ARHGAP39: variants seen among roughly 807,000 people sequenced by gnomAD.
ARHGAP39 encodes Rho GTPase activating protein 39.
A neutral mutation model predicts 106.9 loss-of-function variants in ARHGAP39; 44 were observed. The ratio of observed to expected loss-of-function variants is 0.41; its 90% confidence interval spans 0.32 to 0.53. ARHGAP39 has a LOEUF of 0.53. ARHGAP39 is among the 20% of genes least tolerant of loss of function. The pLI, the probability that ARHGAP39 is intolerant of heterozygous loss-of-function variation, is 0.21. For synonymous variants in ARHGAP39, 768 were observed against 693.2 expected (o/e 1.11, Z -1.69); for missense variants, 1,496 against 1,577.3 (o/e 0.95, Z 0.87).
chr8:144,599,619 T>G (rs557134478), intron 2 of ARHGAP39, among the ~76,000 whole-genome samples: 1 of 152,156 alleles, frequency 6.6e-6, no homozygotes, highest in Admixed American at 6.5e-5. Flanking sequence ...ATGGTCTATA[T>G]GTTTAAAAGA....
At position 144,561,508 on chromosome 8, in the gene ARHGAP39, T is replaced by C. The variant is rs186715522; in HGVS notation, c.513-5865A>G. On this transcript the variant is annotated intron_variant, in intron 3 of 11. Coordinates refer to ENST00000377307, the MANE Select transcript of ARHGAP39 (RefSeq NM_025251.3). ...CACACTCCAGTGGTTTCCATCAGAC[T>C]CCAGTGGTTTCCATCAGACCCCAGT... 5.8e-3 allele frequency among the ~76,000 whole-genome samples: 783 copies of C among 134,612 alleles called. 10 individuals are homozygous for C. Among genetic ancestry groups the C allele is most frequent in the African/African-American group, 0.02 (676 of 34,266 alleles). The allele number at this position is 134,612 out of a possible 152,430, so 88.3% of individuals were successfully genotyped here. A position where few individuals can be genotyped will look rare whatever the true frequency, so the allele number is the denominator to read the frequency against.
intron 1 of ARHGAP39, among the ~76,000 whole-genome samples, chr8:144,674,911 G>A (rs932111047): frequency 1.7e-4 from 26 of 152,236 alleles, no homozygotes; most frequent in African/African-American, 6.3e-4. Flanking sequence ...GTGGGGACCA[G>A]GAGCAGGGAG....
intron 1 of ARHGAP39, among the ~76,000 whole-genome samples, chr8:144,656,143 A>G (rs1395068477): frequency 6.6e-6 from 1 of 152,048 alleles, no homozygotes; most frequent in Non-Finnish European, 1.5e-5. Flanking sequence ...ATACTGGATA[A>G]AAACTTGAAT....
At chr8:144,668,065 AT>A (rs1247851150) in intron 1 of ARHGAP39, among the ~76,000 whole-genome samples, 1 of 151,852 alleles carries the variant, frequency 6.6e-6, no homozygotes, top group Non-Finnish European at 1.5e-5. Context: ...AAGCTAGTGA[AT>A]TCTTGGTCCC....
At chr8:144,580,351 C>T (rs1818926179) in intron 3 of ARHGAP39, among the ~76,000 whole-genome samples, 1 of 152,216 alleles carries the variant, frequency 6.6e-6, no homozygotes, top group African/African-American at 2.4e-5. Context: ...GCAGAGAGAG[C>T]TGGGCGAGCC....
At chr8:144,567,827 T>C (rs113345124) in intron 3 of ARHGAP39, among the ~76,000 whole-genome samples, 15,873 of 146,266 alleles carry the variant, frequency 0.11, 2,006 homozygotes, top group African/African-American at 0.31. Flanking sequence ...CCCACGTGGC[T>C]TTACCTATCA....
chr8:144,533,019 G>C, intron 9 of ARHGAP39, 107 bp downstream of exon 9: 1 of 1,361,732 alleles, frequency 7.3e-7, no homozygotes, highest in East Asian at 2.4e-5. Context: ...GTATGGGTGC[G>C]GAAGCAGCCC....
At chr8:144,552,146 G>T (rs1383082046) in intron 4 of ARHGAP39, among the ~76,000 whole-genome samples, 2 of 152,246 alleles carry the variant, frequency 1.3e-5, no homozygotes. Context: ...AAGAGCGGTC[G>T]TGGCCTCTGA....
At position 144,670,094 on chromosome 8, in the gene ARHGAP39, C is replaced by A. The variant is rs981311408; in HGVS notation, c.-82+15592G>T. ...AAGGAAACGGGGTTGACCTGTACAA[C>A]GGAACGTCCCTCAGCAATAAAAAGC... On this transcript the variant is annotated intron_variant, in intron 1 of 11. Transcript: ENST00000377307. The surrounding 1 kb of genome is among the most constrained non-coding windows in gnomAD (Gnocchi z 4.4). Among the ~76,000 whole-genome samples the A allele has an allele frequency of 6.6e-6, 1 of 152,204 alleles. No homozygotes were observed. Among genetic ancestry groups the A allele is most frequent in the African/African-American group, 2.4e-5 (1 of 41,436 alleles).
Position 144,645,739 on chromosome 8 carries a change from A to G in ARHGAP39, c.-82+39947T>C, listed in dbSNP as rs954233451. ...GTGCTCTCAGGAAGCAGAGCGATACACCTTGGATGGCAGAGGTTTATTTTG... is the reference window on the plus strand; with the variant it reads ...GTGCTCTCAGGAAGCAGAGCGATACGCCTTGGATGGCAGAGGTTTATTTTG... On this transcript the variant is annotated intron_variant, in intron 1 of 11. Transcript: ENST00000377307. The surrounding 1 kb of genome is among the most constrained non-coding windows in gnomAD (Gnocchi z 4.4). Among the ~76,000 whole-genome samples, 1 of 152,252 alleles carries G rather than the reference A, an allele frequency of 6.6e-6. No homozygotes were observed. Among genetic ancestry groups the G allele is most frequent in the Admixed American group, 6.5e-5 (1 of 15,292 alleles).
At chr8:144,573,967 G>A in intron 3 of ARHGAP39, among the ~76,000 whole-genome samples, 1 of 151,714 alleles carries the variant, frequency 6.6e-6, no homozygotes, top group Non-Finnish European at 1.5e-5. Flanking sequence ...GAGACCAAGA[G>A]TTTGAGACCA....
intron 1 of ARHGAP39, among the ~76,000 whole-genome samples, chr8:144,618,271 C>T (rs765721496): frequency 5.9e-5 from 9 of 152,176 alleles, no homozygotes; most frequent in Non-Finnish European, 1.0e-4. Context: ...GGGCTGGGGC[C>T]ACATGGGGTC....
At chr8:144,678,997 C>T (rs927572989) in intron 1 of ARHGAP39, among the ~76,000 whole-genome samples, 6 of 151,978 alleles carry the variant, frequency 3.9e-5, no homozygotes, top group South Asian at 2.1e-4. Context: ...GACCTGGAGC[C>T]GTACCACATG....
intron 3 of ARHGAP39, among the ~76,000 whole-genome samples, chr8:144,569,149 A>C (rs1292254856): frequency 1.3e-5 from 2 of 152,256 alleles, no homozygotes; most frequent in African/African-American, 4.8e-5. Flanking sequence ...AATCAAATTA[A>C]TATTGGAGTG....
rs1262406234 is a variant in ARHGAP39, at chr8:144,537,925, C to T, written c.2522-112G>A. 2.1e-5 allele frequency: 19 copies of T among 900,716 alleles called. No individual in the cohort carries two copies. The Admixed American group carries it at 3.0e-4, about 14-fold the overall frequency. The allele number at this position is 900,716 out of a possible 1,614,324, so 55.8% of individuals were successfully genotyped here. ...GGCCCCTGGGCCTGTTGGGGGCTCA[C>T]CCTGTGCAGCTGGGGGCTGAGCGTT... On this transcript the variant is annotated intron_variant, in intron 6 of 11. Transcript: ENST00000377307.
intron 1 of ARHGAP39, among the ~76,000 whole-genome samples, chr8:144,636,792 A>T (rs1224869674): frequency 2.0e-5 from 3 of 152,204 alleles, no homozygotes; most frequent in African/African-American, 7.2e-5. Context: ...TTGGTAAGGA[A>T]CATTTCAGTC....
At position 144,545,926 on chromosome 8, in the gene ARHGAP39, G is replaced by A. The variant is rs1029271402; in HGVS notation, c.1960-116C>T. 4 of 868,834 alleles carry A rather than the reference G, an allele frequency of 4.6e-6. No homozygotes were observed. The African/African-American group carries it at 6.8e-5, about 15-fold the overall frequency. 53.8% of individuals were successfully genotyped at this position (868,834 alleles called of 1,614,324 possible). ...GGGGCCCCACCAGAGCCAGCCAGGT[G>A]AGAGCCCTGCCCTGCTCACCACAAA... On this transcript the variant is annotated intron_variant, in intron 5 of 11. Transcript: ENST00000377307.
At chr8:144,663,451 G>C (rs912159334) in intron 1 of ARHGAP39, among the ~76,000 whole-genome samples, 2 of 152,058 alleles carry the variant, frequency 1.3e-5, no homozygotes, top group Non-Finnish European at 2.9e-5. Flanking sequence ...CCTCCTGAGA[G>C]AACGGACCAA....
chr8:144,615,042 T>C lies in ARHGAP39; in HGVS notation c.-81-9347A>G, dbSNP rs145891486. Among the ~76,000 whole-genome samples the C allele has an allele frequency of 1.2e-3, 177 of 152,338 alleles. 1 individual carries two copies. The highest frequency in any genetic ancestry group is 2.2e-3 in the Non-Finnish European group (147 of 68,020). The stretch of plus-strand genomic sequence containing the variant: ...TTTCACCCCTTACGAGTCTGGATCA[T>C]GGGGGCAGAGGCTCACGCCTATAAT... On this transcript the variant is annotated intron_variant, in intron 1 of 11. Coordinates refer to ENST00000377307, the MANE Select transcript of ARHGAP39 (RefSeq NM_025251.3).
Sources: allele counts gnomAD v4.1 joint callset (sites outside exome capture counted in the v4.1 genomes callset), GRCh38; gene constraint gnomAD v4.1.1; non-coding constraint Gnocchi (gnomAD v3.1); transcripts MANE v1.5; gene names NCBI Gene and HGNC (gene_info 2026-07-23, HGNC 2026-07-21).